Variants in PIEZO2 observed in about 807,000 individuals in gnomAD.
PIEZO2 encodes the protein piezo-type mechanosensitive ion channel component 2.
Under a neutral mutation model 337.3 loss-of-function variants are expected in PIEZO2, and 172 were observed. The ratio of observed to expected loss-of-function variants is 0.51; its 90% CI spans 0.45 to 0.58. The LOEUF (loss-of-function observed/expected upper bound fraction) is 0.58, where lower values mean the gene tolerates loss of function less well. Ranked by LOEUF, PIEZO2 falls within the 20% of genes least tolerant of loss-of-function variation. The pLI, the probability that PIEZO2 is intolerant of heterozygous loss-of-function variation, is 0.00. For synonymous variants in PIEZO2, 1,251 were observed against 1,228.5 expected, an observed-to-expected ratio of 1.02 and a Z score of -0.38; for missense variants, 3,028 against 3,391.3, an observed-to-expected ratio of 0.89 and a Z score of 2.66.
At chr18:11,039,669 T>C (rs1342156608) in intron 2 of PIEZO2, among the ~76,000 whole-genome samples, 2 of 152,124 alleles carry the variant, frequency 1.3e-5, no homozygotes, top group African/African-American at 2.4e-5. Context: ...TATATCTTTA[T>C]TGGTTGATTG....
At chr18:10,774,755 T>C (rs115135701) in intron 18 of PIEZO2, among the ~76,000 whole-genome samples, 7,875 of 152,284 alleles carry the variant, frequency 0.052, 267 homozygotes, top group Non-Finnish European at 0.065. Flanking sequence ...AAAGTCTACA[T>C]TAAGAAAAAG....
chr18:10,744,884 G>A (rs2037361129), intron 30 of PIEZO2, among the ~76,000 whole-genome samples: 1 of 152,222 alleles, frequency 6.6e-6, no homozygotes, highest in South Asian at 2.1e-4. Context: ...ACCTGACAGT[G>A]TGCCCGCCCT....
chr18:10,926,982 T>C (rs556337021), intron 3 of PIEZO2, among the ~76,000 whole-genome samples: 7 of 152,358 alleles, frequency 4.6e-5, no homozygotes, highest in Admixed American at 3.3e-4. Context: ...CTATCTCCTT[T>C]TGTGAAAGAA....
intron 2 of PIEZO2, among the ~76,000 whole-genome samples, chr18:11,044,655 A>T (rs2037238100): frequency 6.6e-6 from 1 of 152,172 alleles, no homozygotes; most frequent in Non-Finnish European, 1.5e-5. Flanking sequence ...CCTAACCCTC[A>T]CATTCTACTG....
chr18:10,774,750 C>A (rs1231488922), intron 18 of PIEZO2, among the ~76,000 whole-genome samples: 5 of 152,080 alleles, frequency 3.3e-5, no homozygotes, highest in African/African-American at 9.7e-5. Flanking sequence ...GCAATAAAGT[C>A]TACATTAAGA....
intron 36 of PIEZO2, chr18:10,725,539 C>A: frequency 7.2e-7 from 1 of 1,379,848 alleles, no homozygotes; most frequent in African/African-American, 1.4e-5. Context: ...GGAGGGGCCC[C>A]ACTAACTCCC....
intron 1 of PIEZO2, among the ~76,000 whole-genome samples, chr18:11,090,912 TAAAAAAAAAA>T (rs61020782): frequency 2.2e-4 from 27 of 123,664 alleles, no homozygotes; most frequent in African/African-American, 7.9e-4. Flanking sequence ...AGACTCCGTC[TAAAAAAAAAA>T]AAAAAAAAAA....
chr18:10,885,052 G>C (rs922187608), intron 4 of PIEZO2, among the ~76,000 whole-genome samples: 1 of 152,084 alleles, frequency 6.6e-6, no homozygotes, highest in Non-Finnish European at 1.5e-5. Flanking sequence ...TGTATCTTAG[G>C]AGAGGCTGAT....
At chr18:10,711,273 T>C (rs11661324) in intron 39 of PIEZO2, among the ~76,000 whole-genome samples, 46,083 of 152,050 alleles carry the variant, frequency 0.3, 7,198 homozygotes, top group East Asian at 0.4. Flanking sequence ...TTAAAAGTCA[T>C]AAAGATGGGA....
intron 49 of PIEZO2, among the ~76,000 whole-genome samples, chr18:10,684,412 G>A (rs1381595965): frequency 3.4e-5 from 5 of 148,880 alleles, no homozygotes; most frequent in South Asian, 2.1e-4. Flanking sequence ...TGATCTGCCC[G>A]CCTCGGCCTC....
chr18:11,064,084 G>C (rs2038066238), intron 2 of PIEZO2, among the ~76,000 whole-genome samples: 1 of 152,102 alleles, frequency 6.6e-6, no homozygotes, highest in Admixed American at 6.5e-5. Flanking sequence ...AGAAACTTCG[G>C]AAATTTGTGT....
intron 3 of PIEZO2, among the ~76,000 whole-genome samples, chr18:10,938,417 T>G (rs532368226): frequency 4.6e-5 from 7 of 152,336 alleles, no homozygotes; most frequent in Admixed American, 4.6e-4. Context: ...ACACCTATTT[T>G]AGGCACTGAC....
rs74660473 is a variant in PIEZO2, at chr18:11,114,312, C to T, written c.64+34213G>A. Among the ~76,000 whole-genome samples the T allele has an allele frequency of 8.4e-3, 1,277 of 152,294 alleles. 15 individuals carry two copies. The highest frequency in any genetic ancestry group is 0.029 in the African/African-American group (1,198 of 41,566). On this transcript the variant is annotated intron_variant, in intron 1 of 55. Coordinates refer to ENST00000674853, the MANE Select transcript of PIEZO2 (RefSeq NM_001378183.1). ...ACACTGTTTGTCTTACAATAGAGCT[C>T]TTTACAATGACAAGAAAGAGGCATG...
intron 16 of PIEZO2, among the ~76,000 whole-genome samples, chr18:10,785,228 T>G (rs1157342954): frequency 6.6e-6 from 1 of 152,198 alleles, no homozygotes; most frequent in African/African-American, 2.4e-5. Context: ...TTGAAGCAAG[T>G]GTGGTCTTGA....
At chr18:10,879,569 G>A in intron 4 of PIEZO2, among the ~76,000 whole-genome samples, 1 of 151,838 alleles carries the variant, frequency 6.6e-6, no homozygotes, top group East Asian at 1.9e-4. Context: ...CTAATTTTTT[G>A]TATTTTTAGT....
chr18:10,703,655 G>A (rs1358735280), intron 42 of PIEZO2, among the ~76,000 whole-genome samples: 4 of 151,984 alleles, frequency 2.6e-5, no homozygotes, highest in Non-Finnish European at 5.9e-5. Context: ...CACCATGGTC[G>A]TCCAGGCACC....
chr18:10,782,029 A>T (rs2144083511), intron 17 of PIEZO2, among the ~76,000 whole-genome samples: 1 of 151,124 alleles, frequency 6.6e-6, no homozygotes, highest in East Asian at 1.9e-4. Context: ...GGTGAAAATT[A>T]TGAGCAAGGA....
chr18:10,900,897 C>G (rs1185557191), intron 4 of PIEZO2, among the ~76,000 whole-genome samples: 1 of 152,174 alleles, frequency 6.6e-6, no homozygotes, highest in Non-Finnish European at 1.5e-5. Context: ...AGCAAAGATT[C>G]AGAGTTTTCC....
intron 47 of PIEZO2, among the ~76,000 whole-genome samples, chr18:10,694,726 T>G (rs1011915297): frequency 2.6e-5 from 4 of 152,138 alleles, no homozygotes; most frequent in Admixed American, 2.6e-4. Flanking sequence ...CCCCAGCTGC[T>G]CTGGAGGCTG....
Sources: gnomAD v4.1 joint callset for allele counts (sites outside exome capture counted in the v4.1 genomes callset) on GRCh38, gnomAD v4.1.1 for gene constraint, MANE v1.5 for transcripts, NCBI Gene and HGNC (gene_info 2026-07-23, HGNC 2026-07-21) for gene names.